Variants in RBFOX1 observed in about 807,000 individuals in gnomAD.
The protein encoded by RBFOX1 is RNA binding protein fox-1 homolog 1.
In RBFOX1, 8 loss-of-function variants were observed where a neutral mutation model predicts 57.7. The observed-to-expected ratio is 0.14, with a 90% CI of 0.08 to 0.25. RBFOX1 has a LOEUF of 0.25. Among genes scored for constraint, RBFOX1 ranks in the 10% least tolerant of loss-of-function variants. The pLI is 1.00. For synonymous variants in RBFOX1, 326 were observed against 222.4 expected (o/e 1.47, Z -4.15); for missense variants, 611 against 548.5 (o/e 1.11, Z -1.14).
intron 2 of RBFOX1, among the ~76,000 whole-genome samples, chr16:6,557,295 T>C (rs892129570): frequency 1.3e-5 from 2 of 151,768 alleles, no homozygotes; most frequent in African/African-American, 4.8e-5. Context: ...TAAAAGAGGA[T>C]ATAAAGCAGA....
intron 3 of RBFOX1, among the ~76,000 whole-genome samples, chr16:6,860,780 AAG>A (rs1393261942): frequency 1.3e-5 from 2 of 152,222 alleles, no homozygotes; most frequent in Non-Finnish European, 1.5e-5. Flanking sequence ...CAACAACAAA[AAG>A]TAATTTGCAG....
In RBFOX1 at chr16:5,301,421, C is replaced by G. The variant is rs556850698; in HGVS notation, c.219+61316C>G. The stretch of plus-strand genomic sequence containing the variant: ...ATTCATGAGGTCAGGAGATTGAGAC[C>G]ATCCTGGCTAACACGGTGAAACCCC... On this transcript the variant is annotated intron_variant, in intron 1 of 2. Coordinates refer to the RBFOX1 transcript ENST00000585867. Among the ~76,000 whole-genome samples the G allele has an allele frequency of 2.0e-5, 3 of 152,110 alleles. No individual in the cohort carries two copies. The South Asian group carries it at 6.2e-4, about 32-fold the overall frequency.
intron 4 of RBFOX1, among the ~76,000 whole-genome samples, chr16:5,942,020 T>A (rs903106468): frequency 2.0e-5 from 3 of 151,846 alleles, no homozygotes; most frequent in African/African-American, 7.3e-5. Context: ...CAGAAATCAG[T>A]CATTAGTAAG....
At chr16:5,950,355 A>C (rs28622055) in intron 4 of RBFOX1, among the ~76,000 whole-genome samples, 1 of 152,154 alleles carries the variant, frequency 6.6e-6, no homozygotes, top group African/African-American at 2.4e-5. Context: ...TTTCCTATCA[A>C]TCTTTCACCC....
intron 3 of RBFOX1, among the ~76,000 whole-genome samples, chr16:7,003,207 T>G (rs1260076231): frequency 1.3e-5 from 2 of 152,078 alleles, no homozygotes; most frequent in Non-Finnish European, 2.9e-5. Context: ...ACGCCTGTAA[T>G]CCCAGCACTT....
chr16:6,369,835 A>G (rs1423381594), intron 2 of RBFOX1, among the ~76,000 whole-genome samples: 1 of 152,166 alleles, frequency 6.6e-6, no homozygotes, highest in Non-Finnish European at 1.5e-5. Context: ...CCACAATACA[A>G]TTCCAAAATT....
chr16:6,215,543 C>T (rs907276401), intron 1 of RBFOX1, among the ~76,000 whole-genome samples: 1 of 151,972 alleles, frequency 6.6e-6, no homozygotes, highest in Non-Finnish European at 1.5e-5. Flanking sequence ...ATGAACGCTC[C>T]CCCAAATCCC....
intron 1 of RBFOX1, among the ~76,000 whole-genome samples, chr16:6,222,926 C>A (rs950611001): frequency 2.0e-5 from 3 of 151,792 alleles, no homozygotes; most frequent in Non-Finnish European, 2.9e-5. Context: ...GTTCAATTCC[C>A]ATCTATGAGT....
chr16:5,454,280 C>T (rs1246950498), intron 1 of RBFOX1, among the ~76,000 whole-genome samples: 3 of 152,206 alleles, frequency 2.0e-5, no homozygotes, highest in African/African-American at 7.2e-5. Flanking sequence ...TCCAGTGTTG[C>T]ATTGCTGTGT....
At chr16:6,451,233 A>C (rs777268025) in intron 2 of RBFOX1, among the ~76,000 whole-genome samples, 14 of 152,090 alleles carry the variant, frequency 9.2e-5, no homozygotes, top group Admixed American at 7.2e-4. Context: ...GTTCTGAGGT[A>C]GCCTAGAAAT....
intron 3 of RBFOX1, among the ~76,000 whole-genome samples, chr16:6,959,196 C>A (rs891277677): frequency 1.3e-5 from 2 of 152,040 alleles, no homozygotes; most frequent in Non-Finnish European, 2.9e-5. Context: ...AATACTCGCT[C>A]GATTTCAGAT....
intron 4 of RBFOX1, among the ~76,000 whole-genome samples, chr16:7,332,292 G>T (rs1181929084): frequency 6.6e-6 from 1 of 152,174 alleles, no homozygotes; most frequent in Non-Finnish European, 1.5e-5. Context: ...TTGTGAGAAT[G>T]AAATTACATA....
chr16:5,939,592 T>A (rs1475949146), intron 4 of RBFOX1, among the ~76,000 whole-genome samples: 1 of 152,222 alleles, frequency 6.6e-6, no homozygotes, highest in Non-Finnish European at 1.5e-5. Context: ...CACAGTGCCT[T>A]TTATGACACA....
chr16:6,287,232 G>C (rs1191321971), intron 1 of RBFOX1, among the ~76,000 whole-genome samples: 1 of 152,094 alleles, frequency 6.6e-6, no homozygotes, highest in Non-Finnish European at 1.5e-5. Context: ...AGTTGAAGTG[G>C]GTTAGGGGAA....
chr16:6,445,647 A>G (rs1037426038), intron 2 of RBFOX1, among the ~76,000 whole-genome samples: 3 of 148,652 alleles, frequency 2.0e-5, no homozygotes, highest in South Asian at 2.1e-4. Context: ...CAGTGGGACA[A>G]TCTGGGCTCA....
At chr16:6,832,586 A>G (rs2092786185) in intron 3 of RBFOX1, among the ~76,000 whole-genome samples, 1 of 152,228 alleles carries the variant, frequency 6.6e-6, no homozygotes, top group Non-Finnish European at 1.5e-5. Context: ...CAGCAGCCGC[A>G]GACGGAAAGT....
chr16:5,569,957 G>C lies in RBFOX1; in HGVS notation c.259-28945G>C, dbSNP rs577673663. ...ATCATAAAGATTAAAAACCCATAAT[G>C]ATGGGAACTCGGCATCTAACTAAAG... On this transcript the variant is annotated intron_variant, in intron 2 of 2. Transcript: ENST00000585867. Among the ~76,000 whole-genome samples, 3 of 152,324 alleles carry C rather than the reference G, an allele frequency of 2.0e-5. 1 individual carries two copies. The highest frequency in any genetic ancestry group is 7.2e-5 in the African/African-American group (3 of 41,572).
chr16:7,509,096 T>A (rs2074265142), intron 4 of RBFOX1, among the ~76,000 whole-genome samples: 1 of 152,202 alleles, frequency 6.6e-6, no homozygotes, highest in Admixed American at 6.5e-5. Context: ...CACTGGGGAA[T>A]TTTTTGTATG....
Position 6,956,093 on chromosome 16 carries a change from C to T in RBFOX1, c.-15-95964C>T, listed in dbSNP as rs373130560. ...AGTGAGTTACCTTCCCTTTGTTTTG[C>T]TTATCTGAGTGAGGGCCACAGAGGC... On this transcript the variant is annotated intron_variant, in intron 3 of 15. Coordinates refer to ENST00000550418, the MANE Select transcript of RBFOX1 (RefSeq NM_018723.4). Among the ~76,000 whole-genome samples, 20 of 152,156 alleles carry T rather than the reference C, an allele frequency of 1.3e-4. No homozygotes were observed. In the East Asian group the frequency reaches 3.5e-3, roughly 26 times the overall value.
Sources: gnomAD v4.1 joint callset for allele counts (sites outside exome capture counted in the v4.1 genomes callset) on GRCh38, gnomAD v4.1.1 for gene constraint, MANE v1.5 for transcripts, NCBI Gene and HGNC (gene_info 2026-07-23, HGNC 2026-07-21) for gene names.